The following MIGA1 variants were observed in gnomAD, a reference collection of about 807,000 sequenced individuals.
The protein encoded by MIGA1 is family with sequence similarity 73, member A.
MIGA1 carries 58 observed loss-of-function variants against 82.0 expected under a neutral mutation model. That is an observed-to-expected ratio of 0.71 (90% CI 0.57 to 0.88). The LOEUF (loss-of-function observed/expected upper bound fraction) is 0.88, where lower values mean the gene tolerates loss of function less well. MIGA1 is among the 40% of genes least tolerant of loss of function. MIGA1 has a pLI of 0.00. For synonymous variants in MIGA1, 249 were observed against 253.6 expected, an observed-to-expected ratio of 0.98 and a Z score of 0.17; for missense variants, 751 against 749.1, an observed-to-expected ratio of 1.00 and a Z score of -0.03.
intron 7 of MIGA1, among the ~76,000 whole-genome samples, chr1:77,822,311 A>G (rs954593661): frequency 2.6e-5 from 4 of 152,178 alleles, no homozygotes; most frequent in African/African-American, 9.7e-5. Context: ...CTGTAGCCCT[A>G]GTTCCTCAGG....
At chr1:77,869,194 A>G (rs1189325720) in intron 14 of MIGA1, among the ~76,000 whole-genome samples, 2 of 142,728 alleles carry the variant, frequency 1.4e-5, no homozygotes, top group Admixed American at 7.2e-5. Context: ...CACATCTTGC[A>G]CCGCCCTTAA....
At chr1:77,862,623 C>T (rs529170194) in intron 12 of MIGA1, among the ~76,000 whole-genome samples, 2 of 152,028 alleles carry the variant, frequency 1.3e-5, no homozygotes, top group East Asian at 1.9e-4. Flanking sequence ...GGAGCGCATG[C>T]CTGTAATCCC....
intron 8 of MIGA1, among the ~76,000 whole-genome samples, chr1:77,850,204 C>T (rs1410935656): frequency 3.9e-5 from 6 of 152,146 alleles, no homozygotes; most frequent in Non-Finnish European, 8.8e-5. Flanking sequence ...CAGCATGGCA[C>T]CTGGCTTCCC....
chr1:77,801,268 G>C, intron 2 of MIGA1, 63 bp from the exon 3 acceptor site: 1 of 1,207,458 alleles, frequency 8.3e-7, no homozygotes, highest in Non-Finnish European at 1.1e-6. Flanking sequence ...TTAGTTATTA[G>C]GTCCTTCTTT....
chr1:77,818,122 ATTTTT>A (rs757391899), intron 7 of MIGA1, among the ~76,000 whole-genome samples: 1 of 134,978 alleles, frequency 7.4e-6, no homozygotes. Context: ...CGTCCTGCTA[ATTTTT>A]TTTTTTTTTT....
intron 4 of MIGA1, among the ~76,000 whole-genome samples, chr1:77,806,134 A>G (rs577043574): frequency 6.6e-6 from 1 of 152,212 alleles, no homozygotes; most frequent in African/African-American, 2.4e-5. Context: ...TTCATTTCAG[A>G]AGCAGCATAA....
In MIGA1 at chr1:77,877,425, T is replaced by G. The variant is rs1646902260; in HGVS notation, c.*2361T>G. On this transcript the variant is annotated 3_prime_UTR_variant, in exon 16 of 16. Coordinates refer to ENST00000370791, the MANE Select transcript of MIGA1 (RefSeq NM_198549.4). ...ATGCTTAATTTAACAATTACCTATT[T>G]ATAGTTCTTATTATTGACGGGAATA... 6.6e-6 allele frequency: 1 copy of G among 152,206 alleles called. No homozygotes were observed. Among genetic ancestry groups the G allele is most frequent in the Admixed American group, 6.5e-5 (1 of 15,272 alleles). The allele number at this position is 152,206 out of a possible 1,614,324, so 9.4% of individuals were successfully genotyped here.
chr1:77,812,175 AAAAAT>A (rs1683366681), intron 5 of MIGA1, among the ~76,000 whole-genome samples: 1 of 152,088 alleles, frequency 6.6e-6, no homozygotes, highest in Non-Finnish European at 1.5e-5. Flanking sequence ...ATACATTTAA[AAAAAT>A]AAAAGAGGCT....
rs372953492 is a variant in MIGA1 at position 77,859,941 on chromosome 1, A to G, written c.1189-99A>G. ...GCCTGTTGAAATAGCACCACATGCA[A>G]TGCATTAACTGTTTTAGGATTATTT... On this transcript the variant is annotated intron_variant, in intron 10 of 15. Transcript: ENST00000370791. The G allele has an allele frequency of 2.9e-5, 21 of 719,132 alleles. No homozygotes were observed. The African/African-American group carries it at 3.3e-4, about 11-fold the overall frequency. The allele number at this position is 719,132 out of a possible 1,614,324, so 44.5% of individuals were successfully genotyped here.
intron 8 of MIGA1, among the ~76,000 whole-genome samples, chr1:77,844,147 G>GATAGATAT (rs1553223190): frequency 6.3e-5 from 8 of 126,784 alleles, no homozygotes; most frequent in African/African-American, 2.5e-4. Flanking sequence ...TAGATAGATA[G>GATAGATAT]ATAGATAGAT....
chr1:77,823,034 G>T (rs867840818), intron 7 of MIGA1, among the ~76,000 whole-genome samples: 1 of 151,188 alleles, frequency 6.6e-6, no homozygotes, highest in Non-Finnish European at 1.5e-5. Flanking sequence ...GTAGAGACGG[G>T]GTTTCACCAC....
At chr1:77,802,431 T>A (rs951117272) in intron 3 of MIGA1, among the ~76,000 whole-genome samples, 1 of 152,156 alleles carries the variant, frequency 6.6e-6, no homozygotes, top group Admixed American at 6.5e-5. Context: ...CAAGGTCATA[T>A]AATTTATAAG....
In MIGA1 at chr1:77,813,727, T is replaced by A; in HGVS notation, c.638-7T>A. 2.5e-6 allele frequency: 4 copies of A among 1,613,088 alleles called. No individual in the cohort carries two copies. Among genetic ancestry groups the A allele is most frequent in the Non-Finnish European group, 3.4e-6 (4 of 1,179,550 alleles). On this transcript the variant is annotated splice_polypyrimidine_tract_variant and splice_region_variant and intron_variant, in intron 5 of 15. Coordinates refer to ENST00000370791, the MANE Select transcript of MIGA1 (RefSeq NM_198549.4). ...TCAGTTAAAATTGTTCTGTTCTTAA[T>A]TTTTAGGTATGGAATTGTTTGAAGA...
At chr1:77,845,300 A>G (rs908520686) in intron 8 of MIGA1, among the ~76,000 whole-genome samples, 14 of 152,084 alleles carry the variant, frequency 9.2e-5, no homozygotes, top group Admixed American at 9.2e-4. Flanking sequence ...CATTATATAC[A>G]TATTTGTCTT....
At chr1:77,804,228 T>A (rs1682999952) in intron 4 of MIGA1, among the ~76,000 whole-genome samples, 1 of 152,162 alleles carries the variant, frequency 6.6e-6, no homozygotes, top group Non-Finnish European at 1.5e-5. Context: ...GTTCTTCACC[T>A]CCTTCTTTGA....
At chr1:77,826,717 C>T (rs1684039661) in intron 7 of MIGA1, among the ~76,000 whole-genome samples, 1 of 152,044 alleles carries the variant, frequency 6.6e-6, no homozygotes, top group Non-Finnish European at 1.5e-5. Flanking sequence ...TCAGGCAGTC[C>T]TTCTTCCTTG....
intron 2 of MIGA1, among the ~76,000 whole-genome samples, chr1:77,797,699 T>G (rs1170836192): frequency 1.3e-5 from 2 of 152,214 alleles, no homozygotes; most frequent in Non-Finnish European, 2.9e-5. Flanking sequence ...ATTTTCCTTT[T>G]CTTTTTCTTG....
chr1:77,871,045 A>G (rs1420359352), intron 14 of MIGA1, among the ~76,000 whole-genome samples: 2 of 134,286 alleles, frequency 1.5e-5, no homozygotes, highest in Non-Finnish European at 3.1e-5. Flanking sequence ...AGTACCGTCC[A>G]GCTTTGGCTC....
At chr1:77,783,442 C>A in intron 2 of MIGA1, 91 bp downstream of exon 2, 1 of 618,020 alleles carries the variant, frequency 1.6e-6, no homozygotes, top group South Asian at 4.3e-5. Flanking sequence ...TTTGAGGTTT[C>A]TATATAGTAC....
Sources: allele counts gnomAD v4.1 joint callset (sites outside exome capture counted in the v4.1 genomes callset), GRCh38; gene constraint gnomAD v4.1.1; transcripts MANE v1.5; gene names NCBI Gene and HGNC (gene_info 2026-07-23, HGNC 2026-07-21).